LONRF2: variants seen among roughly 807,000 people sequenced by gnomAD.
LONRF2 encodes the protein LON peptidase N-terminal domain and RING finger protein 2.
LONRF2 carries 35 observed loss-of-function variants against 66.6 expected under a neutral mutation model. That is an observed-to-expected ratio of 0.53 (90% CI 0.40 to 0.70). LONRF2 has a LOEUF of 0.70. Ranked by LOEUF, LONRF2 falls within the 30% of genes least tolerant of loss-of-function variation. The pLI, the probability that LONRF2 is intolerant of heterozygous loss-of-function variation, is 0.00. For missense variants in LONRF2, 902 were observed against 1,002.1 expected (o/e 0.90, Z 1.35); for synonymous variants, 417 against 418.1 (o/e 1.00, Z 0.03).
Position 100,302,904 on chromosome 2 carries a change from T to C in LONRF2, c.921+17A>G, listed in dbSNP as rs1675214236. 1.3e-6 allele frequency: 2 copies of C among 1,578,446 alleles called. No homozygotes were observed. Among genetic ancestry groups the C allele is most frequent in the Non-Finnish European group, 1.7e-6 (2 of 1,162,066 alleles). On this transcript the variant is annotated intron_variant, in intron 3 of 11. Transcript: ENST00000393437. ...AAATAAGACCTGATAGAGAAAGTCC[T>C]TTAACAGAACTCATACCTTCTGTGC...
In LONRF2 at chr2:100,276,833, G is replaced by T. The variant is rs570402828; in HGVS notation, c.*7465C>A. ...TTGCACAGCTTCTTGGCTGCCGTTTGCCTTCTGCCCTGAGGGGCACATACA... is the reference window on the plus strand; with the variant it reads ...TTGCACAGCTTCTTGGCTGCCGTTTTCCTTCTGCCCTGAGGGGCACATACA... On this transcript the variant is annotated 3_prime_UTR_variant, in exon 12 of 12. Transcript: ENST00000393437. 1 of 152,174 alleles carries T rather than the reference G, an allele frequency of 6.6e-6. No individual in the cohort carries two copies. Among genetic ancestry groups the T allele is most frequent in the Admixed American group, 6.6e-5 (1 of 15,266 alleles). The allele number at this position is 152,174 out of a possible 1,614,324, so 9.4% of individuals were successfully genotyped here.
intron 7 of LONRF2, 61 bp from the exon 8 acceptor site, chr2:100,295,614 C>A: frequency 6.5e-7 from 1 of 1,540,946 alleles, no homozygotes; most frequent in East Asian, 2.3e-5. Context: ...ACGAAGCTTC[C>A]GAGTGGAAAG....
chr2:100,304,774 C>T lies in LONRF2; in HGVS notation c.799-1731G>A, dbSNP rs558094416. Among the ~76,000 whole-genome samples the T allele has an allele frequency of 2.7e-5, 4 of 150,268 alleles. No homozygotes were observed. In the South Asian group the frequency reaches 6.4e-4, roughly 24 times the overall value. ...GAGTAGCTGGGACTACAGGCGCCTG[C>T]CACCATGCCTGGCTAATTTTTTTTT... On this transcript the variant is annotated intron_variant, in intron 2 of 11. Transcript: ENST00000393437.
chr2:100,309,876 T>C (rs1200605085), intron 1 of LONRF2, among the ~76,000 whole-genome samples: 2 of 152,150 alleles, frequency 1.3e-5, no homozygotes, highest in African/African-American at 4.8e-5. Flanking sequence ...TTTCACCATG[T>C]TGGCCAGGCT....
At chr2:100,287,468 T>TCCCA (rs1330524080) in intron 10 of LONRF2, among the ~76,000 whole-genome samples, 72 of 152,350 alleles carry the variant, frequency 4.7e-4, no homozygotes, top group African/African-American at 1.6e-3. Context: ...TTTGCTTTTT[T>TCCCA]GACAAGGGAG....
At position 100,299,010 on chromosome 2, in the gene LONRF2, C is replaced by T. The variant is rs560896287; in HGVS notation, c.1362-60G>A. ...CCAGGACAGACTTTCAAATCATGGACTGGTTTTTGAAGGATTCCTTATGCA... is the reference window on the plus strand; with the variant it reads ...CCAGGACAGACTTTCAAATCATGGATTGGTTTTTGAAGGATTCCTTATGCA... On this transcript the variant is annotated intron_variant, in intron 6 of 11. Coordinates refer to ENST00000393437, the MANE Select transcript of LONRF2 (RefSeq NM_198461.4). 7 of 1,370,596 alleles carry T rather than the reference C, an allele frequency of 5.1e-6. No homozygotes were observed. The African/African-American group carries it at 1.0e-4, about 20-fold the overall frequency. 84.9% of individuals were successfully genotyped at this position (1,370,596 alleles called of 1,614,324 possible). A position where few individuals can be genotyped will look rare whatever the true frequency, so the allele number is the denominator to read the frequency against.
intron 1 of LONRF2, among the ~76,000 whole-genome samples, chr2:100,314,692 G>T (rs1675471529): frequency 6.6e-6 from 1 of 152,018 alleles, no homozygotes; most frequent in African/African-American, 2.4e-5. Flanking sequence ...TTGTAATTTT[G>T]TTATATGATG....
rs921774727 is a variant in LONRF2, at chr2:100,322,131, G to A, written c.-38C>T. On this transcript the variant is annotated 5_prime_UTR_variant, in exon 1 of 12. Coordinates refer to ENST00000393437, the MANE Select transcript of LONRF2 (RefSeq NM_198461.4). ...GCGACGACGCGGGTCCGGAGCGAAG[G>A]CGCGGAGCAGGGAGGATGCGCTGCT... The A allele has an allele frequency of 8.1e-7, 1 of 1,236,154 alleles. No individual in the cohort carries two copies. Among genetic ancestry groups the A allele is most frequent in the African/African-American group, 1.6e-5 (1 of 63,926 alleles). 76.6% of individuals were successfully genotyped at this position (1,236,154 alleles called of 1,614,324 possible). A position where few individuals can be genotyped will look rare whatever the true frequency, so the allele number is the denominator to read the frequency against.
At chr2:100,295,686 G>T in intron 7 of LONRF2, 133 bp from the exon 8 acceptor site, 1 of 809,838 alleles carries the variant, frequency 1.2e-6, no homozygotes, top group Non-Finnish European at 1.9e-6. Context: ...GATGGAGAGA[G>T]AGGCGGGCCA....
chr2:100,292,838 T>C (rs1674989202), intron 9 of LONRF2, among the ~76,000 whole-genome samples: 1 of 152,076 alleles, frequency 6.6e-6, no homozygotes, highest in Middle Eastern at 3.2e-3. Context: ...AAATGTGTTA[T>C]TTTTTTATTT....
intron 8 of LONRF2, 66 bp downstream of exon 8, chr2:100,295,366 G>A (rs2105721233): frequency 6.7e-7 from 1 of 1,497,660 alleles, no homozygotes; most frequent in South Asian, 1.3e-5. Context: ...AAAATCTGAG[G>A]TGAAGCTGAA....
intron 1 of LONRF2, among the ~76,000 whole-genome samples, chr2:100,314,321 T>G (rs1675463110): frequency 6.6e-6 from 1 of 152,224 alleles, no homozygotes; most frequent in South Asian, 2.1e-4. Flanking sequence ...TACTTTCATT[T>G]TAATTTGCAT....
Position 100,276,873 on chromosome 2 carries a change from C to A in LONRF2, c.*7425G>T, listed in dbSNP as rs1006822874. 6.6e-6 allele frequency: 1 copy of A among 152,228 alleles called. No individual in the cohort carries two copies. Among genetic ancestry groups the A allele is most frequent in the Non-Finnish European group, 1.5e-5 (1 of 68,050 alleles). 9.4% of individuals were successfully genotyped at this position (152,228 alleles called of 1,614,324 possible). On this transcript the variant is annotated 3_prime_UTR_variant, in exon 12 of 12. Transcript: ENST00000393437. Reference sequence around the variant, plus strand: ...GGGCACATACACCTTTGCAGGCCACCCACAGGGAGCTCCACGGCTTTGCCA... The same window carrying A: ...GGGCACATACACCTTTGCAGGCCACACACAGGGAGCTCCACGGCTTTGCCA...
intron 10 of LONRF2, among the ~76,000 whole-genome samples, chr2:100,289,884 G>A (rs542281757): frequency 2.6e-5 from 4 of 152,178 alleles, no homozygotes; most frequent in African/African-American, 9.7e-5. Flanking sequence ...TGGGAGGACT[G>A]CTTGAGCCCA....
rs200527125 is a variant in LONRF2 at position 100,302,883 on chromosome 2, A to T, written c.921+38T>A. 2.7e-4 allele frequency: 420 copies of T among 1,529,696 alleles called. 2 individuals are homozygous for T. Among genetic ancestry groups the T allele is most frequent in the Non-Finnish European group, 7.6e-5 (86 of 1,135,366 alleles). 94.8% of individuals were successfully genotyped at this position (1,529,696 alleles called of 1,614,324 possible). On this transcript the variant is annotated intron_variant, in intron 3 of 11. Transcript: ENST00000393437. ...CAGCATGGACATGAAGGCTATAAAT[A>T]AGACCTGATAGAGAAAGTCCTTTAA...
In LONRF2 at chr2:100,299,796, G is replaced by C. The variant is rs77866077; in HGVS notation, c.1188C>G (p.Ser396Arg). The change falls in exon 5 of 12, where the codon AGC (serine) becomes AGG (arginine). Residue 396 changes from serine (S) to arginine (R), a missense_variant. Ser to Arg is a moderately radical substitution (Grantham distance 110). This residue lies in a region of LONRF2 where 585 missense variants were observed against 569.9 expected (regional missense o/e 1.03). Coordinates refer to ENST00000393437, the MANE Select transcript of LONRF2 (RefSeq NM_198461.4). The stretch of plus-strand genomic sequence containing the variant: ...CCGGAAACTGTCTCTTTAAGCCAGC[G>C]CTGGGTGCTGTTGGAAGGATGCTTT... ...ALESILPTAP[S>R]AGLKRQFPDD... The C allele has an allele frequency of 1.2e-6, 2 of 1,613,992 alleles. No individual in the cohort carries two copies. Among genetic ancestry groups the C allele is most frequent in the South Asian group, 2.2e-5 (2 of 91,072 alleles).
intron 4 of LONRF2, 121 bp downstream of exon 4, chr2:100,300,523 T>C: frequency 1.0e-6 from 1 of 974,978 alleles, no homozygotes; most frequent in South Asian, 2.4e-5. Flanking sequence ...ACAACTGGTC[T>C]TGAGAAATAT....
intron 2 of LONRF2, among the ~76,000 whole-genome samples, chr2:100,304,932 C>T (rs1675263034): frequency 6.6e-6 from 1 of 151,954 alleles, no homozygotes; most frequent in Non-Finnish European, 1.5e-5. Context: ...CACCCAGCCT[C>T]CATGGCTCCT....
rs1674677876 is a variant in LONRF2 at position 100,279,923 on chromosome 2, C to T, written c.*4375G>A. The T allele has an allele frequency of 6.6e-6, 1 of 152,342 alleles. No homozygotes were observed. Among genetic ancestry groups the T allele is most frequent in the Non-Finnish European group, 1.5e-5 (1 of 68,138 alleles). The allele number at this position is 152,342 out of a possible 1,614,324, so 9.4% of individuals were successfully genotyped here. A position where few individuals can be genotyped will look rare whatever the true frequency, so the allele number is the denominator to read the frequency against. ...TCTGCCTGTCTCCCATGCTTCCCCT[C>T]ATGGCCCGGTGTGGTCTGCTGGGCC... On this transcript the variant is annotated 3_prime_UTR_variant, in exon 12 of 12. Coordinates refer to ENST00000393437, the MANE Select transcript of LONRF2 (RefSeq NM_198461.4).
Sources: allele counts gnomAD v4.1 joint callset (sites outside exome capture counted in the v4.1 genomes callset), GRCh38; gene constraint gnomAD v4.1.1; regional missense constraint gnomAD v4.1.1; transcripts MANE v1.5; gene names NCBI Gene and HGNC (gene_info 2026-07-23, HGNC 2026-07-21).